Variants in THRAP3 observed in about 807,000 individuals in gnomAD.
THRAP3 encodes thyroid hormone receptor-associated protein 3.
A neutral mutation model predicts 101.0 loss-of-function variants in THRAP3; 16 were observed. The observed-to-expected ratio is 0.16, with a 90% CI of 0.11 to 0.24. The LOEUF (loss-of-function observed/expected upper bound fraction) is 0.24. Among genes scored for constraint, THRAP3 ranks in the 10% least tolerant of loss-of-function variants. The pLI, the probability that THRAP3 is intolerant of heterozygous loss-of-function variation, is 1.00. For synonymous variants in THRAP3, 407 were observed against 422.6 expected (o/e 0.96, Z 0.45); for missense variants, 989 against 1,202.7 (o/e 0.82, Z 2.63).
At chr1:36,297,151 T>G (rs1437878354) in intron 9 of THRAP3, among the ~76,000 whole-genome samples, 1 of 152,214 alleles carries the variant, frequency 6.6e-6, no homozygotes. Flanking sequence ...ATAACACTGT[T>G]TAGTCAAAGA....
At chr1:36,216,685 T>C in the THRAP3 span, among the ~76,000 whole-genome samples, 1 of 151,754 alleles carries the variant, frequency 6.6e-6, no homozygotes, top group Non-Finnish European at 1.5e-5. Context: ...ACTTGGGGGC[T>C]AAGGTGGGAG....
upstream of THRAP3, among the ~76,000 whole-genome samples, chr1:36,220,969 AAAAATATATATATAT>A (rs1644900158): frequency 7.4e-6 from 1 of 135,616 alleles, no homozygotes; most frequent in African/African-American, 2.9e-5. Flanking sequence ...AAAAAAAAAA[AAAAATATATATATAT>A]ATATATATAT....
In THRAP3 at chr1:36,304,120, C is replaced by A; in HGVS notation, c.*103C>A. On this transcript the variant is annotated 3_prime_UTR_variant, in exon 12 of 12. Transcript: ENST00000354618. ...CCTCAAGAAGATTCTGAAAATCCTACCCCCACCCCCCACCAGCCGCACAGA... is the reference window on the plus strand; with the variant it reads ...CCTCAAGAAGATTCTGAAAATCCTAACCCCACCCCCCACCAGCCGCACAGA... 7.1e-7 allele frequency: 1 copy of A among 1,409,198 alleles called. No individual in the cohort carries two copies. Among genetic ancestry groups the A allele is most frequent in the Non-Finnish European group, 9.4e-7 (1 of 1,068,040 alleles). The allele number at this position is 1,409,198 out of a possible 1,614,324, so 87.3% of individuals were successfully genotyped here.
intron 1 of THRAP3, among the ~76,000 whole-genome samples, chr1:36,257,965 C>T (rs531401630): frequency 2.0e-5 from 3 of 152,228 alleles, no homozygotes; most frequent in Non-Finnish European, 2.9e-5. Context: ...CTCAGCCTCC[C>T]GAATAGCTGG....
chr1:36,231,898 G>A (rs984354027), intron 1 of THRAP3, among the ~76,000 whole-genome samples: 19 of 152,110 alleles, frequency 1.2e-4, no homozygotes, highest in Admixed American at 8.5e-4. Flanking sequence ...GTCAGATTCC[G>A]GTGTTGGGTT....
rs376592170 is a variant in THRAP3 at position 36,276,447 on chromosome 1, C to A, written c.-31-6086C>A. Among the ~76,000 whole-genome samples, 529 of 151,240 alleles carry A rather than the reference C, an allele frequency of 3.5e-3. 3 individuals are homozygous for A. Among genetic ancestry groups the A allele is most frequent in the African/African-American group, 0.012 (499 of 41,182 alleles). On this transcript the variant is annotated intron_variant, in intron 2 of 11. Coordinates refer to ENST00000354618, the MANE Select transcript of THRAP3 (RefSeq NM_005119.4). ...GCTGAGGCAGGAGAATGGTGTGAAC[C>A]CGGGAGGCGGAGGTTGCAGTGAGCT...
chr1:36,297,529 A>T (rs1570349618), intron 9 of THRAP3, among the ~76,000 whole-genome samples: 1 of 149,204 alleles, frequency 6.7e-6, no homozygotes, highest in African/African-American at 2.5e-5. Context: ...GCTCACTGCA[A>T]CCTCCGCCTC....
chr1:36,253,557 G>A (rs900830969), intron 1 of THRAP3, among the ~76,000 whole-genome samples: 2 of 152,022 alleles, frequency 1.3e-5, no homozygotes, highest in Non-Finnish European at 2.9e-5. Context: ...TTTTATTACA[G>A]TATGTGTTTC....
chr1:36,252,355 C>T (rs950258363), intron 1 of THRAP3, among the ~76,000 whole-genome samples: 2 of 152,178 alleles, frequency 1.3e-5, no homozygotes, highest in African/African-American at 4.8e-5. Context: ...GAACTCCTGA[C>T]CTCAAGTGAT....
chr1:36,239,003 G>A (rs768908042), intron 1 of THRAP3, among the ~76,000 whole-genome samples: 11 of 149,948 alleles, frequency 7.3e-5, no homozygotes, highest in Non-Finnish European at 1.3e-4. Context: ...GCGCGATCTC[G>A]GCTCACTGCA....
intron 8 of THRAP3, 122 bp from the exon 9 acceptor site, chr1:36,296,461 G>C (rs1344048344): frequency 8.2e-6 from 6 of 729,722 alleles, no homozygotes; most frequent in Non-Finnish European, 1.3e-5. Context: ...TGGGTGAGAT[G>C]CCTCACATTT....
intron 9 of THRAP3, among the ~76,000 whole-genome samples, chr1:36,299,845 C>T (rs1054229053): frequency 1.4e-4 from 22 of 152,240 alleles, no homozygotes; most frequent in South Asian, 4.2e-4. Context: ...TGAAATAGCA[C>T]GGATGTTTAG....
intron 2 of THRAP3, among the ~76,000 whole-genome samples, chr1:36,278,986 A>T (rs1448027070): frequency 3.3e-5 from 5 of 152,078 alleles, no homozygotes; most frequent in Non-Finnish European, 7.4e-5. Context: ...ATTAGTTTCA[A>T]TTCATGTTAA....
intron 1 of THRAP3, among the ~76,000 whole-genome samples, chr1:36,258,705 T>A (rs1245725381): frequency 6.6e-6 from 1 of 152,188 alleles, no homozygotes; most frequent in Non-Finnish European, 1.5e-5. Context: ...GATCTCGATC[T>A]CCTGACCTCG....
intron 8 of THRAP3, among the ~76,000 whole-genome samples, chr1:36,295,223 C>A (rs1645929587): frequency 1.1e-4 from 13 of 118,740 alleles, no homozygotes; most frequent in African/African-American, 1.3e-4. Context: ...AACTCTGTCT[C>A]AAAAAAAAAA....
the THRAP3 span, among the ~76,000 whole-genome samples, chr1:36,211,754 T>C: frequency 6.6e-6 from 1 of 152,178 alleles, no homozygotes; most frequent in Non-Finnish European, 1.5e-5. Flanking sequence ...GGTTTGCTTC[T>C]GGAAAGCAGA....
intron 1 of THRAP3, among the ~76,000 whole-genome samples, chr1:36,253,760 A>ATTTTTTTTTTTTTTTTTTTTTTTTTT (rs58306701): frequency 8.0e-5 from 8 of 100,216 alleles, no homozygotes; most frequent in African/African-American, 2.5e-4. Flanking sequence ...AGTCAGGCTA[A>ATTTTTTTTTTTTTTTTTTTTTTTTTT]TTTTTTTTTT....
chr1:36,300,057 C>G (rs1217178709), intron 9 of THRAP3, among the ~76,000 whole-genome samples: 1 of 152,142 alleles, frequency 6.6e-6, no homozygotes, highest in Admixed American at 6.5e-5. Context: ...CTTGCTGCCC[C>G]CTAGAGGTAT....
intron 2 of THRAP3, among the ~76,000 whole-genome samples, chr1:36,278,369 A>G (rs753186459): frequency 6.6e-6 from 1 of 152,148 alleles, no homozygotes; most frequent in Non-Finnish European, 1.5e-5. Context: ...CCAGGCTTCA[A>G]TCGGGTTTTG....
Sources: allele counts gnomAD v4.1 joint callset (sites outside exome capture counted in the v4.1 genomes callset), GRCh38; gene constraint gnomAD v4.1.1; transcripts MANE v1.5; gene names NCBI Gene and HGNC (gene_info 2026-07-23, HGNC 2026-07-21).